NR2F1-AS1: variants seen among roughly 807,000 people sequenced by gnomAD.
NR2F1-AS1 encodes NR2F1 regulatory antisense RNA 1.
At chr5:93,512,396 A>G (rs1751316815) in intron 4 of NR2F1-AS1, among the ~76,000 whole-genome samples, 1 of 152,194 alleles carries the variant, frequency 6.6e-6, no homozygotes, top group African/African-American at 2.4e-5. Flanking sequence ...TGTTATTACA[A>G]AAGAGTCAAA....
intron 1 of NR2F1-AS1, among the ~76,000 whole-genome samples, chr5:93,574,339 C>T (rs1033604828): frequency 6.6e-6 from 1 of 152,208 alleles, no homozygotes; most frequent in Non-Finnish European, 1.5e-5. Flanking sequence ...TCCTGCTAGA[C>T]AGTAACCGGA....
intron 4 of NR2F1-AS1, among the ~76,000 whole-genome samples, chr5:93,487,845 A>G (rs1428335163): frequency 6.6e-6 from 1 of 152,152 alleles, no homozygotes; most frequent in Non-Finnish European, 1.5e-5. Flanking sequence ...TTCAAACTAT[A>G]CTACAAGGCT....
intron 4 of NR2F1-AS1, among the ~76,000 whole-genome samples, chr5:93,456,625 C>G (rs1392863952): frequency 1.3e-5 from 2 of 151,718 alleles, no homozygotes; most frequent in Non-Finnish European, 1.5e-5. Flanking sequence ...TACAAAATAA[C>G]TAGTACAACT....
At chr5:93,582,065 CCTCT>C (rs1221093526), upstream of NR2F1-AS1, among the ~76,000 whole-genome samples, 3 of 139,914 alleles carry the variant, frequency 2.1e-5, no homozygotes, top group Admixed American at 7.1e-5. Context: ...CCTTTCCTCT[CCTCT>C]CTCTCTGTCT....
At chr5:93,447,054 A>C (rs1268287282) in intron 4 of NR2F1-AS1, among the ~76,000 whole-genome samples, 12 of 152,230 alleles carry the variant, frequency 7.9e-5, no homozygotes, top group Admixed American at 2.0e-4. Flanking sequence ...AAATTAATTC[A>C]AGATGGATTA....
intron 4 of NR2F1-AS1, among the ~76,000 whole-genome samples, chr5:93,435,562 C>T (rs1749415863): frequency 6.6e-6 from 1 of 152,060 alleles, no homozygotes; most frequent in Non-Finnish European, 1.5e-5. Context: ...CTTCTGTGGC[C>T]ACTTGGTCAC....
chr5:93,435,367 G>A (rs1749411421), intron 4 of NR2F1-AS1, among the ~76,000 whole-genome samples: 2 of 152,122 alleles, frequency 1.3e-5, no homozygotes, highest in Non-Finnish European at 2.9e-5. Flanking sequence ...TTTCTGACAT[G>A]TCCCATCATA....
At chr5:93,487,224 A>G (rs752476096) in intron 4 of NR2F1-AS1, among the ~76,000 whole-genome samples, 11 of 152,166 alleles carry the variant, frequency 7.2e-5, no homozygotes, top group Non-Finnish European at 1.0e-4. Flanking sequence ...CCTATTCAAC[A>G]TAGTATTGGA....
chr5:93,440,332 T>C (rs1471129911), intron 4 of NR2F1-AS1, among the ~76,000 whole-genome samples: 2 of 152,232 alleles, frequency 1.3e-5, no homozygotes, highest in Non-Finnish European at 2.9e-5. Flanking sequence ...AGGATATTTC[T>C]AGATGAGATT....
chr5:93,456,703 C>A (rs1035198870), intron 4 of NR2F1-AS1, among the ~76,000 whole-genome samples: 1 of 151,034 alleles, frequency 6.6e-6, no homozygotes, highest in Non-Finnish European at 1.5e-5. Flanking sequence ...CCCAGGGAAC[C>A]GGCGTTCAGC....
intron 4 of NR2F1-AS1, among the ~76,000 whole-genome samples, chr5:93,460,609 A>G (rs1466737680): frequency 1.3e-5 from 2 of 152,190 alleles, no homozygotes; most frequent in Admixed American, 1.3e-4. Context: ...CTCTCACCCA[A>G]GAATTATCAG....
At chr5:93,484,514 C>A (rs1013980753) in intron 4 of NR2F1-AS1, among the ~76,000 whole-genome samples, 54 of 152,248 alleles carry the variant, frequency 3.5e-4, no homozygotes, top group African/African-American at 1.2e-3. Context: ...ATGGTAAAGA[C>A]CATTGACACT....
chr5:93,472,817 C>T (rs1750397344), intron 4 of NR2F1-AS1, among the ~76,000 whole-genome samples: 1 of 151,780 alleles, frequency 6.6e-6, no homozygotes, highest in African/African-American at 2.4e-5. Context: ...CTGAACATTA[C>T]CTTCCCTTTA....
At chr5:93,496,980 C>A (rs371672288) in intron 4 of NR2F1-AS1, among the ~76,000 whole-genome samples, 6 of 152,192 alleles carry the variant, frequency 3.9e-5, no homozygotes, top group African/African-American at 1.4e-4. Flanking sequence ...AGGCAGCCTG[C>A]ATGCAGAGAA....
chr5:93,501,517 C>T (rs928061052), intron 4 of NR2F1-AS1, among the ~76,000 whole-genome samples: 1 of 151,870 alleles, frequency 6.6e-6, no homozygotes, highest in African/African-American at 2.4e-5. Flanking sequence ...CCATACCCAG[C>T]TAATTTTTGT....
intron 4 of NR2F1-AS1, among the ~76,000 whole-genome samples, chr5:93,426,473 T>G (rs1238139292): frequency 6.6e-6 from 1 of 152,200 alleles, no homozygotes; most frequent in Non-Finnish European, 1.5e-5. Context: ...CATGTTTTGA[T>G]GTAATACAAA....
intron 4 of NR2F1-AS1, among the ~76,000 whole-genome samples, chr5:93,536,702 A>G (rs1218361025): frequency 6.6e-6 from 1 of 152,258 alleles, no homozygotes; most frequent in East Asian, 1.9e-4. Flanking sequence ...AATGTCTTCA[A>G]TAAATGATGA....
At chr5:93,443,487 G>C (rs943855876) in intron 4 of NR2F1-AS1, among the ~76,000 whole-genome samples, 2 of 152,068 alleles carry the variant, frequency 1.3e-5, no homozygotes, top group East Asian at 1.9e-4. Flanking sequence ...AGTGAGAAGA[G>C]AAGTTTAGAG....
chr5:93,581,735 C>CCTCTCTCCCCCTCT (rs1561519336), upstream of NR2F1-AS1, among the ~76,000 whole-genome samples: 3 of 26,772 alleles, frequency 1.1e-4, no homozygotes, highest in Non-Finnish European at 1.8e-4. Flanking sequence ...TCTCTCTCTC[C>CCTCTCTCCCCCTCT]CCCTCTCCCT....
Sources: gnomAD v4.1 joint callset for allele counts (sites outside exome capture counted in the v4.1 genomes callset) on GRCh38, gnomAD v4.1.1 for gene constraint, MANE v1.5 for transcripts, NCBI Gene and HGNC (gene_info 2026-07-23, HGNC 2026-07-21) for gene names.